Variants in DEFB123 observed in about 807,000 individuals in gnomAD.
DEFB123 encodes beta-defensin 123.
For synonymous variants in DEFB123, 22 were observed against 28.3 expected, an observed-to-expected ratio of 0.78 and a Z score of 0.71; for missense variants, 71 against 75.0, an observed-to-expected ratio of 0.95 and a Z score of 0.20.
At chr20:31,441,467 C>T (rs1423028139) in intron 1 of DEFB123, among the ~76,000 whole-genome samples, 1 of 151,648 alleles carries the variant, frequency 6.6e-6, no homozygotes, top group Non-Finnish European at 1.5e-5. Flanking sequence ...ATGGGAGTGT[C>T]GGGGACCTGC....
At chr20:31,449,064 G>A (rs1979667437) in intron 1 of DEFB123, among the ~76,000 whole-genome samples, 1 of 151,756 alleles carries the variant, frequency 6.6e-6, no homozygotes, top group South Asian at 2.1e-4. Flanking sequence ...TTCTCATCAT[G>A]CTCATGGCTT....
rs1026500698 is a variant in DEFB123 at position 31,440,643 on chromosome 20, C to G, written c.-56C>G. On this transcript the variant is annotated 5_prime_UTR_variant, in exon 1 of 2. Transcript: ENST00000376309. ...GCCACAGGCCAGGCACTCTCCTTCT[C>G]CCATTAGCTCAGCCGTGGCATCGGA... 9 of 1,606,622 alleles carry G rather than the reference C, an allele frequency of 5.6e-6. No homozygotes were observed. Among genetic ancestry groups the G allele is most frequent in the African/African-American group, 5.3e-5 (4 of 74,774 alleles).
intron 1 of DEFB123, among the ~76,000 whole-genome samples, chr20:31,448,868 C>G (rs907945113): frequency 6.7e-6 from 1 of 148,730 alleles, no homozygotes; most frequent in South Asian, 2.1e-4. Flanking sequence ...TGTGCCACCA[C>G]GCCCAGCTAA....
At chr20:31,440,880 G>A (rs942589153) in intron 1 of DEFB123, 124 bp downstream of exon 1, 2 of 1,121,034 alleles carry the variant, frequency 1.8e-6, no homozygotes, top group South Asian at 1.3e-5. Context: ...GGCAGGAGGC[G>A]CCTCACCAGC....
rs372739016 is a variant in DEFB123 at position 31,447,937 on chromosome 20, C to T, written c.59-2092C>T. ...AAGTAGCTGGGATTACAGGCGCCTGCCACCATGCCCAGCTAATTTTTTGTG... is the reference window on the plus strand; with the variant it reads ...AAGTAGCTGGGATTACAGGCGCCTGTCACCATGCCCAGCTAATTTTTTGTG... On this transcript the variant is annotated intron_variant, in intron 1 of 1. Transcript: ENST00000376309. 3.0e-4 allele frequency among the ~76,000 whole-genome samples: 45 copies of T among 152,174 alleles called. 1 individual carries two copies. The East Asian group carries it at 5.6e-3, about 19-fold the overall frequency.
chr20:31,444,951 C>T (rs1979550450), intron 1 of DEFB123, among the ~76,000 whole-genome samples: 1 of 152,138 alleles, frequency 6.6e-6, no homozygotes, highest in Non-Finnish European at 1.5e-5. Flanking sequence ...CCCTAGACAC[C>T]CTATTTATAC....
At chr20:31,449,127 CT>C (rs981651561) in intron 1 of DEFB123, among the ~76,000 whole-genome samples, 10 of 151,818 alleles carry the variant, frequency 6.6e-5, no homozygotes, top group African/African-American at 2.4e-4. Context: ...TTTTATCATC[CT>C]TGTCTGCTAG....
chr20:31,448,717 T>TA (rs1568751115), intron 1 of DEFB123, among the ~76,000 whole-genome samples: 8 of 150,464 alleles, frequency 5.3e-5, no homozygotes, highest in Admixed American at 2.0e-4. Flanking sequence ...ATATATATAT[T>TA]TTTTTTTCTT....
chr20:31,446,416 C>T (rs1199287177), intron 1 of DEFB123, among the ~76,000 whole-genome samples: 1 of 152,204 alleles, frequency 6.6e-6, no homozygotes, highest in African/African-American at 2.4e-5. Flanking sequence ...ATGAAGGCTG[C>T]TTTTCTGTAC....
At chr20:31,449,067 C>T (rs1295294963) in intron 1 of DEFB123, among the ~76,000 whole-genome samples, 2 of 152,012 alleles carry the variant, frequency 1.3e-5, no homozygotes, top group Non-Finnish European at 2.9e-5. Context: ...TCATCATGCT[C>T]ATGGCTTCCT....
chr20:31,450,153 A>G lies in DEFB123; in HGVS notation c.183A>G (p.Lys61=). ...MCCVKPKYQP[K]ERWWPF ...GCGTGAAGCCCAAGTACCAGCCAAA[A>G]GAAAGGTGGTGGCCATTTTAACTGC... The change falls in exon 2 of 2, where the codon AAA becomes AAG. Residue 61 remains lysine (K), a synonymous_variant. Coordinates refer to ENST00000376309, the MANE Select transcript of DEFB123 (RefSeq NM_153324.4). The G allele has an allele frequency of 6.2e-7, 1 of 1,606,366 alleles. No individual in the cohort carries two copies. Among genetic ancestry groups the G allele is most frequent in the East Asian group, 2.3e-5 (1 of 44,258 alleles).
Position 31,450,245 on chromosome 20 carries a change from C to A in DEFB123, c.*71C>A, listed in dbSNP as rs1979706699. The A allele has an allele frequency of 1.3e-6, 2 of 1,514,786 alleles. No homozygotes were observed. The highest frequency in any genetic ancestry group is 1.4e-5 in the African/African-American group (1 of 70,476). 93.8% of individuals were successfully genotyped at this position (1,514,786 alleles called of 1,614,324 possible). ...TGGATTCCCACACTCTATCAATAAA[C>A]ACCTCTGGCTGATCCCTGCGTTTGC... On this transcript the variant is annotated 3_prime_UTR_variant, in exon 2 of 2. Transcript: ENST00000376309.
At chr20:31,440,886 C>A in intron 1 of DEFB123, 130 bp downstream of exon 1, 1 of 1,058,676 alleles carries the variant, frequency 9.4e-7, no homozygotes, top group Non-Finnish European at 1.4e-6. Flanking sequence ...AGGCGCCTCA[C>A]CAGCAGCAGG....
intron 1 of DEFB123, among the ~76,000 whole-genome samples, chr20:31,445,365 T>G (rs552084317): frequency 6.6e-6 from 1 of 152,364 alleles, no homozygotes; most frequent in Admixed American, 6.5e-5. Flanking sequence ...AGTGATATTC[T>G]TTATTTAGCT....
chr20:31,442,455 C>T lies in DEFB123; in HGVS notation c.58+1699C>T, dbSNP rs1375225767. Among the ~76,000 whole-genome samples the T allele has an allele frequency of 2.6e-5, 4 of 152,124 alleles. No homozygotes were observed. The East Asian group carries it at 7.7e-4, about 29-fold the overall frequency. On this transcript the variant is annotated intron_variant, in intron 1 of 1. Coordinates refer to ENST00000376309, the MANE Select transcript of DEFB123 (RefSeq NM_153324.4). ...AAACAAGATAAGCAAAATCTCTGTCCTCTTGGAGCTTACCTTCTACTGGAG... is the reference window on the plus strand; with the variant it reads ...AAACAAGATAAGCAAAATCTCTGTCTTCTTGGAGCTTACCTTCTACTGGAG...
intron 1 of DEFB123, among the ~76,000 whole-genome samples, chr20:31,448,447 C>T (rs1979647070): frequency 6.7e-6 from 1 of 149,670 alleles, no homozygotes; most frequent in Admixed American, 6.7e-5. Flanking sequence ...ACTTTTCCTG[C>T]CCCTCCCCTC....
chr20:31,442,197 T>C (rs1979478950), intron 1 of DEFB123, among the ~76,000 whole-genome samples: 1 of 152,160 alleles, frequency 6.6e-6, no homozygotes, highest in South Asian at 2.1e-4. Context: ...ATATTTGTCT[T>C]TTCTGTTTTA....
chr20:31,448,847 G>A (rs1447273856), intron 1 of DEFB123, among the ~76,000 whole-genome samples: 1 of 151,228 alleles, frequency 6.6e-6, no homozygotes, highest in African/African-American at 2.4e-5. Context: ...GAGTAGCTGG[G>A]ATTACAGGCA....
intron 1 of DEFB123, among the ~76,000 whole-genome samples, chr20:31,448,484 A>G (rs551861483): frequency 6.6e-6 from 1 of 151,828 alleles, no homozygotes; most frequent in Non-Finnish European, 1.5e-5. Flanking sequence ...TTCCAATTAT[A>G]TGCATGTTAG....
Sources: gnomAD v4.1 joint callset for allele counts (sites outside exome capture counted in the v4.1 genomes callset) on GRCh38, gnomAD v4.1.1 for gene constraint, MANE v1.5 for transcripts, NCBI Gene and HGNC (gene_info 2026-07-23, HGNC 2026-07-21) for gene names.